TRIO: variants seen among roughly 807,000 people sequenced by gnomAD.
The protein encoded by TRIO is triple functional domain protein.
A neutral mutation model predicts 351.9 loss-of-function variants in TRIO; 58 were observed. The observed-to-expected ratio is 0.16, with a 90% CI of 0.13 to 0.21. The LOEUF is 0.21. Among genes scored for constraint, TRIO ranks in the 10% least tolerant of loss-of-function variants. The pLI, the probability that TRIO is intolerant of heterozygous loss-of-function variation, is 1.00. For synonymous variants in TRIO, 1,758 were observed against 1,595.7 expected (o/e 1.10, Z -2.42); for missense variants, 3,201 against 4,027.8 (o/e 0.79, Z 5.56).
At chr5:14,452,486 C>G (rs1752914481) in intron 34 of TRIO, among the ~76,000 whole-genome samples, 1 of 152,216 alleles carries the variant, frequency 6.6e-6, no homozygotes, top group African/African-American at 2.4e-5. Context: ...CAGCAGGTGG[C>G]AGGGGTGTTA....
chr5:14,310,634 CA>C (rs1277593554), intron 8 of TRIO, among the ~76,000 whole-genome samples: 1 of 152,140 alleles, frequency 6.6e-6, no homozygotes, highest in Non-Finnish European at 1.5e-5. Flanking sequence ...TTCTTAAAAC[CA>C]AAAAACCACC....
intron 33 of TRIO, among the ~76,000 whole-genome samples, chr5:14,415,843 G>A (rs982938344): frequency 6.6e-6 from 1 of 152,054 alleles, no homozygotes; most frequent in Non-Finnish European, 1.5e-5. Context: ...AATTAAGGCT[G>A]TTTTGTTGTC....
intron 34 of TRIO, among the ~76,000 whole-genome samples, chr5:14,438,260 C>G (rs1335740513): frequency 6.6e-6 from 1 of 152,200 alleles, no homozygotes; most frequent in Non-Finnish European, 1.5e-5. Flanking sequence ...CTCACTGTTT[C>G]ATTCCTTTTC....
chr5:14,412,816 A>G (rs1452004796), intron 33 of TRIO, among the ~76,000 whole-genome samples: 2 of 152,234 alleles, frequency 1.3e-5, no homozygotes, highest in African/African-American at 4.8e-5. Flanking sequence ...GCAGTGGCAT[A>G]GCATATACAA....
chr5:14,225,792 A>ACCCCCCCCCCCCCCC (rs56044349), intron 1 of TRIO, among the ~76,000 whole-genome samples: 1 of 78,114 alleles, frequency 1.3e-5, no homozygotes, highest in African/African-American at 5.2e-5. Context: ...CACTGCTCCC[A>ACCCCCCCCCCCCCCC]CCCCCCCCCC....
chr5:14,450,868 G>A (rs1412950134), intron 34 of TRIO, among the ~76,000 whole-genome samples: 4 of 152,264 alleles, frequency 2.6e-5, no homozygotes, highest in East Asian at 1.9e-4. Flanking sequence ...TAAATCTGGT[G>A]TTTCAACCCC....
rs946034678 is a variant in TRIO at position 14,474,119 on chromosome 5, C to T, written c.6083+22C>T. ...GAGAGTACGTAAACATGCATTGTGC[C>T]CGATGGTGTGCAAAGCAGCCACACT... On this transcript the variant is annotated intron_variant, in intron 40 of 56. Coordinates refer to ENST00000344204, the MANE Select transcript of TRIO (RefSeq NM_007118.4). The T allele has an allele frequency of 1.9e-6, 3 of 1,600,760 alleles. No individual in the cohort carries two copies. The South Asian group carries it at 3.3e-5, about 18-fold the overall frequency.
intron 1 of TRIO, among the ~76,000 whole-genome samples, chr5:14,199,372 A>G (rs1005986727): frequency 6.6e-6 from 1 of 152,182 alleles, no homozygotes; most frequent in Non-Finnish European, 1.5e-5. Context: ...CTGCTAAATA[A>G]TTTTTTGAAT....
chr5:14,263,818 C>T (rs1268782985), intron 1 of TRIO, among the ~76,000 whole-genome samples: 1 of 152,154 alleles, frequency 6.6e-6, no homozygotes, highest in Non-Finnish European at 1.5e-5. Flanking sequence ...AATACAGCCT[C>T]AGAGGCATCC....
chr5:14,474,393 G>C (rs1015228376), intron 40 of TRIO, among the ~76,000 whole-genome samples: 1 of 152,146 alleles, frequency 6.6e-6, no homozygotes, highest in Non-Finnish European at 1.5e-5. Context: ...TCCTGACCCC[G>C]AGCCCTCGGC....
chr5:14,313,420 A>T (rs749049135), intron 8 of TRIO, among the ~76,000 whole-genome samples: 1 of 152,230 alleles, frequency 6.6e-6, no homozygotes, highest in Non-Finnish European at 1.5e-5. Context: ...GAAATATTGC[A>T]TGGAATGTTG....
chr5:14,208,642 C>T (rs1791684664), intron 1 of TRIO, among the ~76,000 whole-genome samples: 1 of 152,312 alleles, frequency 6.6e-6, no homozygotes, highest in Non-Finnish European at 1.5e-5. Flanking sequence ...AGTATGTAAA[C>T]TAACAGAAAG....
At chr5:14,209,714 C>T (rs1475217660) in intron 1 of TRIO, among the ~76,000 whole-genome samples, 2 of 152,202 alleles carry the variant, frequency 1.3e-5, no homozygotes, top group African/African-American at 4.8e-5. Context: ...GGTTGTGCAG[C>T]ACACTTTTTT....
chr5:14,171,941 A>T (rs1013598179), intron 1 of TRIO, among the ~76,000 whole-genome samples: 3 of 152,212 alleles, frequency 2.0e-5, no homozygotes, highest in African/African-American at 4.8e-5. Context: ...GTGAGCAAAG[A>T]TATCCTTGTA....
At chr5:14,230,379 G>A (rs1793336599) in intron 1 of TRIO, among the ~76,000 whole-genome samples, 1 of 137,422 alleles carries the variant, frequency 7.3e-6, no homozygotes, top group African/African-American at 3.5e-5. Context: ...TGTGTGTTGG[G>A]TGATGAGGGG....
Position 14,497,856 on chromosome 5 carries a change from C to G in TRIO, c.8029C>G (p.Pro2677Ala). 1 of 1,614,226 alleles carries G rather than the reference C, an allele frequency of 6.2e-7. No individual in the cohort carries two copies. The highest frequency in any genetic ancestry group is 8.5e-7 in the Non-Finnish European group (1 of 1,180,048). ...GCTGTTTCCATTTCAGCTTCTCAAT[C>G]CCAACTACATTTATGACGGTGAGTT... ...SNKVSVKLLN[P>A]NYIYDVPPEF... The change falls in exon 51 of 57, where the codon CCC becomes GCC. Residue 2677 changes from proline to alanine, a missense_variant. By Grantham distance (27) the Pro-to-Ala change is conservative. Transcript: ENST00000344204. This position sits in a 1 kb window ranked among gnomAD's most constrained non-coding sequence, Gnocchi z 4.4.
intron 11 of TRIO, among the ~76,000 whole-genome samples, chr5:14,339,880 AAAACTAAGATAAGCTTAG>A (rs1254947397): frequency 2.0e-5 from 3 of 152,226 alleles, no homozygotes; most frequent in African/African-American, 4.8e-5. Flanking sequence ...TTATTGAATG[AAAACTAAGATAAGCTTAG>A]AACAAGTTTA....
chr5:14,369,351 C>G, intron 17 of TRIO, 23 bp from the exon 18 acceptor site: 5 of 1,586,722 alleles, frequency 3.2e-6, no homozygotes, highest in Non-Finnish European at 4.3e-6. Context: ...CAAGTCTGAG[C>G]CTCAAACTTT....
rs1199277315 is a variant in TRIO at position 14,498,002 on chromosome 5, G to A, written c.8048-87G>A. 3 of 1,610,572 alleles carry A rather than the reference G, an allele frequency of 1.9e-6. No individual in the cohort carries two copies. The Admixed American group carries it at 5.0e-5, about 27-fold the overall frequency. On this transcript the variant is annotated intron_variant, in intron 51 of 56. Transcript: ENST00000344204. ...CGCTCTAGGCGTGCATAGCAGGTTA[G>A]GTCCTATCAATCTGTCGGGGACATG...
Sources: gnomAD v4.1 joint callset for allele counts (sites outside exome capture counted in the v4.1 genomes callset) on GRCh38, gnomAD v4.1.1 for gene constraint, Gnocchi (gnomAD v3.1) non-coding constraint, MANE v1.5 for transcripts, NCBI Gene and HGNC (gene_info 2026-07-23, HGNC 2026-07-21) for gene names.